Variants in CNTNAP2 observed in about 807,000 individuals in gnomAD.
CNTNAP2 encodes contactin-associated protein-like 2.
In CNTNAP2, 98 loss-of-function variants were observed where a neutral mutation model predicts 155.2. The observed-to-expected ratio is 0.63, with a 90% CI of 0.54 to 0.75. CNTNAP2 has a LOEUF of 0.75. Ranked by LOEUF, CNTNAP2 falls within the 30% of genes least tolerant of loss-of-function variation. The pLI, the probability that CNTNAP2 is intolerant of heterozygous loss-of-function variation, is 0.00. For synonymous variants in CNTNAP2, 651 were observed against 631.2 expected (o/e 1.03, Z -0.47); for missense variants, 1,727 against 1,688.1 (o/e 1.02, Z -0.40).
chr7:147,001,745 T>C (rs910398759), intron 3 of CNTNAP2, among the ~76,000 whole-genome samples: 1 of 151,718 alleles, frequency 6.6e-6, no homozygotes, highest in Non-Finnish European at 1.5e-5. Context: ...CAGGTTCCCC[T>C]GTAACAAAGC....
At chr7:147,406,347 T>C (rs1797005302) in intron 10 of CNTNAP2, among the ~76,000 whole-genome samples, 2 of 152,206 alleles carry the variant, frequency 1.3e-5, no homozygotes, top group South Asian at 4.1e-4. Context: ...TAACATTTTG[T>C]TTGAATTTTT....
chr7:148,267,899 T>C (rs1796702714), intron 21 of CNTNAP2, among the ~76,000 whole-genome samples: 1 of 152,158 alleles, frequency 6.6e-6, no homozygotes, highest in African/African-American at 2.4e-5. Context: ...GATTCTATCT[T>C]CCTCTCACTC....
intron 13 of CNTNAP2, among the ~76,000 whole-genome samples, chr7:147,861,874 G>A (rs1799139058): frequency 6.6e-6 from 1 of 151,530 alleles, no homozygotes; most frequent in South Asian, 2.1e-4. Context: ...AAATTACCTG[G>A]GCATGGTGGT....
chr7:146,546,836 C>T (rs961868285), intron 1 of CNTNAP2, among the ~76,000 whole-genome samples: 18 of 151,968 alleles, frequency 1.2e-4, no homozygotes, highest in East Asian at 9.7e-4. Flanking sequence ...ACAAGAACAG[C>T]GGCACTGGGG....
intron 9 of CNTNAP2, among the ~76,000 whole-genome samples, chr7:147,358,213 T>C (rs913068445): frequency 2.1e-4 from 32 of 152,154 alleles, no homozygotes; most frequent in Non-Finnish European, 2.9e-5. Flanking sequence ...GTCACAGAAA[T>C]ACATACTTAT....
At chr7:148,321,664 T>G (rs1480755457) in intron 21 of CNTNAP2, among the ~76,000 whole-genome samples, 1 of 152,034 alleles carries the variant, frequency 6.6e-6, no homozygotes, top group East Asian at 1.9e-4. Context: ...ACATCCCAGG[T>G]AGGAGGGATT....
At chr7:147,652,154 A>G (rs1795459561) in intron 13 of CNTNAP2, among the ~76,000 whole-genome samples, 1 of 152,222 alleles carries the variant, frequency 6.6e-6, no homozygotes, top group Non-Finnish European at 1.5e-5. Context: ...TCTCTGAAAT[A>G]CTAGTAACAC....
intron 8 of CNTNAP2, among the ~76,000 whole-genome samples, chr7:147,136,515 T>C (rs930596383): frequency 1.5e-4 from 23 of 151,954 alleles, no homozygotes; most frequent in South Asian, 8.3e-4. Flanking sequence ...TTGTGTTCCA[T>C]TGGGTGTCTC....
chr7:146,216,263 G>A (rs1225055229), intron 1 of CNTNAP2, among the ~76,000 whole-genome samples: 1 of 152,192 alleles, frequency 6.6e-6, no homozygotes, highest in Non-Finnish European at 1.5e-5. Context: ...AGTGGTTGAT[G>A]AGGTGATCAA....
chr7:148,052,561 G>C (rs1052873378), intron 15 of CNTNAP2, among the ~76,000 whole-genome samples: 1 of 152,152 alleles, frequency 6.6e-6, no homozygotes, highest in African/African-American at 2.4e-5. Context: ...TAGTTCTTGA[G>C]CAAGGATTTT....
At chr7:147,237,701 A>G (rs1346271989) in intron 8 of CNTNAP2, among the ~76,000 whole-genome samples, 1 of 152,224 alleles carries the variant, frequency 6.6e-6, no homozygotes, top group Admixed American at 6.5e-5. Context: ...CACTTCCAGC[A>G]TGCAATAAGC....
intron 17 of CNTNAP2, among the ~76,000 whole-genome samples, chr7:148,151,303 ATAG>A (rs989497945): frequency 1.3e-5 from 2 of 152,004 alleles, no homozygotes; most frequent in African/African-American, 2.4e-5. Flanking sequence ...ATTATTAATA[ATAG>A]TAGTAGTAGT....
At chr7:146,957,323 T>C (rs112209404) in intron 3 of CNTNAP2, among the ~76,000 whole-genome samples, 59 of 152,124 alleles carry the variant, frequency 3.9e-4, no homozygotes, top group Non-Finnish European at 1.2e-4. Flanking sequence ...CACCAGGTGA[T>C]AGAAATTTTT....
chr7:147,180,637 A>G (rs1802436993), intron 8 of CNTNAP2, among the ~76,000 whole-genome samples: 1 of 152,076 alleles, frequency 6.6e-6, no homozygotes, highest in South Asian at 2.1e-4. Flanking sequence ...GCAGCCATTA[A>G]AAAAATGCAT....
At chr7:146,404,453 G>T (rs1299933087) in intron 1 of CNTNAP2, among the ~76,000 whole-genome samples, 2 of 152,094 alleles carry the variant, frequency 1.3e-5, no homozygotes, top group Admixed American at 1.3e-4. Flanking sequence ...TTTCTCCCCA[G>T]TTCAAGCTTA....
chr7:148,332,426 G>A (rs184782579), intron 21 of CNTNAP2, among the ~76,000 whole-genome samples: 12 of 152,314 alleles, frequency 7.9e-5, no homozygotes, highest in Admixed American at 7.8e-4. Context: ...AGTTCAGAGA[G>A]AAAGGATCTT....
At chr7:147,216,195 A>G (rs576730048) in intron 8 of CNTNAP2, among the ~76,000 whole-genome samples, 6 of 151,690 alleles carry the variant, frequency 4.0e-5, no homozygotes, top group African/African-American at 1.4e-4. Context: ...AATGCAGTCT[A>G]GTTCACCAAC....
rs140036748 is a variant in CNTNAP2 at position 146,316,426 on chromosome 7, A to G, written c.97+199453A>G. Among the ~76,000 whole-genome samples, 602 of 152,194 alleles carry G rather than the reference A, an allele frequency of 4.0e-3. 1 individual carries two copies. The highest frequency in any genetic ancestry group is 0.014 in the African/African-American group (573 of 41,546). ...GCAGTCTTGAACCGACAGACATTTCACTGTTTGGGATCCTGATGAGTCAAG... is the reference window on the plus strand; with the variant it reads ...GCAGTCTTGAACCGACAGACATTTCGCTGTTTGGGATCCTGATGAGTCAAG... On this transcript the variant is annotated intron_variant, in intron 1 of 23. Transcript: ENST00000361727.
intron 2 of CNTNAP2, among the ~76,000 whole-genome samples, chr7:146,830,380 T>C (rs573538748): frequency 2.6e-5 from 4 of 152,262 alleles, no homozygotes; most frequent in African/African-American, 7.2e-5. Flanking sequence ...GATTTCTTTA[T>C]AGATCTGGGT....
Sources: allele counts gnomAD v4.1 joint callset (sites outside exome capture counted in the v4.1 genomes callset), GRCh38; gene constraint gnomAD v4.1.1; transcripts MANE v1.5; gene names NCBI Gene and HGNC (gene_info 2026-07-23, HGNC 2026-07-21).